The following LSM3 variants were observed in gnomAD, a reference collection of about 807,000 sequenced individuals.
LSM3 encodes LSM3 homolog, U6 small nuclear RNA and mRNA degradation associated.
A neutral mutation model predicts 15.4 loss-of-function variants in LSM3; 14 were observed. The ratio of observed to expected loss-of-function variants is 0.91; its 90% CI spans 0.60 to 1.42. LSM3 has a LOEUF of 1.42. Ranked by LOEUF, LSM3 falls within the 40% of genes most tolerant of loss-of-function variation. LSM3 has a pLI of 0.00. For synonymous variants in LSM3, 46 were observed against 45.1 expected, an observed-to-expected ratio of 1.02 and a Z score of -0.08; for missense variants, 88 against 127.9, an observed-to-expected ratio of 0.69 and a Z score of 1.50.
chr3:14,191,754 T>G (rs1426001544), intron 3 of LSM3, among the ~76,000 whole-genome samples: 1 of 152,184 alleles, frequency 6.6e-6, no homozygotes, highest in African/African-American at 2.4e-5. Flanking sequence ...TGATTATTTT[T>G]TTAGGGTTTT....
chr3:14,191,991 C>A (rs192949989), intron 3 of LSM3, among the ~76,000 whole-genome samples: 3 of 152,290 alleles, frequency 2.0e-5, no homozygotes, highest in African/African-American at 7.2e-5. Flanking sequence ...TCTTCATTCT[C>A]ATTGGTTTCA....
Position 14,200,639 on chromosome 3 carries a change from G to A in LSM3, c.*2523G>A, listed in dbSNP as rs1697226559. Reference sequence around the variant, plus strand: ...CCATTGCCTCCCACAAAGAAAAATGGACAAAATATGGGACCACATCTTTGA... The same window carrying A: ...CCATTGCCTCCCACAAAGAAAAATGAACAAAATATGGGACCACATCTTTGA... On this transcript the variant is annotated 3_prime_UTR_variant, in exon 4 of 4. Coordinates refer to ENST00000306024, the MANE Select transcript of LSM3 (RefSeq NM_014463.3). 6.6e-6 allele frequency: 1 copy of A among 152,162 alleles called. No homozygotes were observed. Among genetic ancestry groups the A allele is most frequent in the Non-Finnish European group, 1.5e-5 (1 of 68,034 alleles). 9.4% of individuals were successfully genotyped at this position (152,162 alleles called of 1,614,324 possible). A position where few individuals can be genotyped will look rare whatever the true frequency, so the allele number is the denominator to read the frequency against.
chr3:14,180,821 CTTTTT>C (rs1164090236), intron 1 of LSM3, among the ~76,000 whole-genome samples: 12 of 46,768 alleles, frequency 2.6e-4, no homozygotes, highest in African/African-American at 3.2e-4. Context: ...GCTTGCTTGC[CTTTTT>C]TTTTTTTTTT....
intron 3 of LSM3, among the ~76,000 whole-genome samples, chr3:14,191,626 A>G (rs947907995): frequency 6.6e-6 from 1 of 152,166 alleles, no homozygotes; most frequent in Admixed American, 6.5e-5. Context: ...ATCAGTGGTG[A>G]CATCCCCTAT....
chr3:14,183,908 T>G, intron 2 of LSM3, 29 bp from the exon 3 acceptor site: 1 of 1,511,122 alleles, frequency 6.6e-7, no homozygotes, highest in South Asian at 1.2e-5. Context: ...GATTATTAAA[T>G]TTCTTGGTTC....
At chr3:14,187,662 TCTC>T (rs776192548) in intron 3 of LSM3, among the ~76,000 whole-genome samples, 30 of 152,164 alleles carry the variant, frequency 2.0e-4, no homozygotes, top group Non-Finnish European at 4.1e-4. Context: ...TCGCTCTCTC[TCTC>T]GTCTATTGAA....
intron 2 of LSM3, among the ~76,000 whole-genome samples, chr3:14,182,479 C>T (rs768154980): frequency 1.3e-5 from 2 of 151,906 alleles, no homozygotes; most frequent in Non-Finnish European, 2.9e-5. Flanking sequence ...TACGTAAATA[C>T]TTGCAGTAAG....
At chr3:14,192,167 C>A (rs779979606) in intron 3 of LSM3, among the ~76,000 whole-genome samples, 12 of 152,154 alleles carry the variant, frequency 7.9e-5, no homozygotes, top group Non-Finnish European at 1.6e-4. Flanking sequence ...GATTTCTGTT[C>A]TTTTACATTT....
intron 3 of LSM3, among the ~76,000 whole-genome samples, chr3:14,193,947 C>G (rs1697165115): frequency 6.6e-6 from 1 of 152,160 alleles, no homozygotes; most frequent in Non-Finnish European, 1.5e-5. Flanking sequence ...ATGTTGGTGA[C>G]TTTCAGATGG....
chr3:14,200,228 G>A lies in LSM3; in HGVS notation c.*2112G>A, dbSNP rs1321734603. 1 of 152,212 alleles carries A rather than the reference G, an allele frequency of 6.6e-6. No homozygotes were observed. Among genetic ancestry groups the A allele is most frequent in the Non-Finnish European group, 1.5e-5 (1 of 68,038 alleles). 9.4% of individuals were successfully genotyped at this position (152,212 alleles called of 1,614,324 possible). Reference sequence around the variant, plus strand: ...CTAGCTGCTAAGATACAAGGGGAGGGACAATAAAAGGTTAACTGCAGAATA... The same window carrying A: ...CTAGCTGCTAAGATACAAGGGGAGGAACAATAAAAGGTTAACTGCAGAATA... On this transcript the variant is annotated 3_prime_UTR_variant, in exon 4 of 4. Coordinates refer to ENST00000306024, the MANE Select transcript of LSM3 (RefSeq NM_014463.3).
intron 2 of LSM3, among the ~76,000 whole-genome samples, chr3:14,182,591 T>C (rs1213455287): frequency 6.6e-6 from 1 of 152,228 alleles, no homozygotes; most frequent in African/African-American, 2.4e-5. Flanking sequence ...AGGTTTTGCC[T>C]CTCCTTAATG....
intron 3 of LSM3, among the ~76,000 whole-genome samples, chr3:14,191,015 G>A (rs148957043): frequency 7.9e-5 from 12 of 152,202 alleles, no homozygotes; most frequent in African/African-American, 2.6e-4. Context: ...GAATTTTATC[G>A]AAGGCCTTTT....
intron 3 of LSM3, among the ~76,000 whole-genome samples, chr3:14,195,949 GT>G (rs58504064): frequency 1.0e-3 from 143 of 138,490 alleles, no homozygotes; most frequent in Middle Eastern, 3.7e-3. Flanking sequence ...AGCTTTGTGA[GT>G]TTTTTTTTTT....
Position 14,198,339 on chromosome 3 carries a change from G to T in LSM3, c.*223G>T. 2.0e-6 allele frequency: 1 copy of T among 510,942 alleles called. No homozygotes were observed. Among genetic ancestry groups the T allele is most frequent in the African/African-American group, 1.9e-5 (1 of 52,254 alleles). 31.7% of individuals were successfully genotyped at this position (510,942 alleles called of 1,614,324 possible). On this transcript the variant is annotated 3_prime_UTR_variant, in exon 4 of 4. Coordinates refer to ENST00000306024, the MANE Select transcript of LSM3 (RefSeq NM_014463.3). ...GCTCTCCAATAAATATGACCACCAA[G>T]ATGCAGAACTCTTTCAGGACTTCTT...
At chr3:14,189,899 C>G (rs148434456) in intron 3 of LSM3, among the ~76,000 whole-genome samples, 1 of 152,000 alleles carries the variant, frequency 6.6e-6, no homozygotes, top group Non-Finnish European at 1.5e-5. Flanking sequence ...TGGTATTGCC[C>G]GGGTTTTCTT....
intron 3 of LSM3, among the ~76,000 whole-genome samples, chr3:14,190,656 G>A (rs186315134): frequency 1.5e-3 from 223 of 152,266 alleles, no homozygotes; most frequent in African/African-American, 5.2e-3. Flanking sequence ...CTGAGACTTC[G>A]CTGAAGTTGC....
rs111507904 is a variant in LSM3, at chr3:14,199,355, C to T, written c.*1239C>T. ...TATCAAGACAGGGCTTAGAACCTGA[C>T]ATCCTCCGCTATGGTCATTCCATTT... On this transcript the variant is annotated 3_prime_UTR_variant, in exon 4 of 4. Coordinates refer to ENST00000306024, the MANE Select transcript of LSM3 (RefSeq NM_014463.3). 6 of 152,308 alleles carry T rather than the reference C, an allele frequency of 3.9e-5. No homozygotes were observed. Among genetic ancestry groups the T allele is most frequent in the African/African-American group, 1.4e-4 (6 of 41,576 alleles). 9.4% of individuals were successfully genotyped at this position (152,308 alleles called of 1,614,324 possible).
intron 3 of LSM3, among the ~76,000 whole-genome samples, chr3:14,193,124 T>C (rs1697156048): frequency 6.6e-6 from 1 of 152,216 alleles, no homozygotes; most frequent in African/African-American, 2.4e-5. Flanking sequence ...TTCTGGCTTG[T>C]AGGGTTTCTG....
intron 3 of LSM3, among the ~76,000 whole-genome samples, chr3:14,185,905 C>G (rs777215567): frequency 3.3e-5 from 5 of 151,774 alleles, no homozygotes; most frequent in African/African-American, 4.8e-5. Flanking sequence ...CACCAGTGAT[C>G]TTGTCAGAAA....
Sources: gnomAD v4.1 joint callset for allele counts (sites outside exome capture counted in the v4.1 genomes callset) on GRCh38, gnomAD v4.1.1 for gene constraint, MANE v1.5 for transcripts, NCBI Gene and HGNC (gene_info 2026-07-23, HGNC 2026-07-21) for gene names.